Variants in SLC35F4 observed in about 807,000 individuals in gnomAD.
SLC35F4 encodes chromosome 14 open reading frame 36.
A neutral mutation model predicts 44.2 loss-of-function variants in SLC35F4; 24 were observed. The observed-to-expected ratio is 0.54, with a 90% CI of 0.39 to 0.76. SLC35F4 has a LOEUF of 0.76. Ranked by LOEUF, SLC35F4 falls within the 30% of genes least tolerant of loss-of-function variation. SLC35F4 has a pLI of 0.00. For synonymous variants in SLC35F4, 238 were observed against 223.6 expected (o/e 1.06, Z -0.57); for missense variants, 562 against 586.1 (o/e 0.96, Z 0.42).
At chr14:57,864,363 A>G (rs541838978) in intron 1 of SLC35F4, among the ~76,000 whole-genome samples, 9 of 152,368 alleles carry the variant, frequency 5.9e-5, no homozygotes, top group Non-Finnish European at 7.3e-5. Context: ...CTAACACTAT[A>G]TAATTACTTT....
intron 1 of SLC35F4, among the ~76,000 whole-genome samples, chr14:57,704,827 C>T (rs971928092): frequency 3.3e-5 from 5 of 152,150 alleles, no homozygotes; most frequent in Admixed American, 2.0e-4. Context: ...GAGCCCCTGG[C>T]CTGTAATCAC....
Position 57,949,259 on chromosome 14 carries a change from A to T in SLC35F4, n.282+32654T>A, listed in dbSNP as rs535786053. Reference sequence around the variant, plus strand: ...GATTGTAACATTTTCCTGTTGGACTAATCCTTTTGTCTTTATATAATGTTC... The same window carrying T: ...GATTGTAACATTTTCCTGTTGGACTTATCCTTTTGTCTTTATATAATGTTC... On this transcript the variant is annotated intron_variant and non_coding_transcript_variant, in intron 1 of 1. Coordinates refer to the SLC35F4 transcript ENST00000556568. Among the ~76,000 whole-genome samples the T allele has an allele frequency of 8.5e-5, 13 of 152,270 alleles. 1 individual carries two copies. The South Asian group carries it at 2.7e-3, about 32-fold the overall frequency.
intron 1 of SLC35F4, among the ~76,000 whole-genome samples, chr14:57,906,951 C>A (rs2141048782): frequency 6.6e-6 from 1 of 152,358 alleles, no homozygotes; most frequent in Non-Finnish European, 1.5e-5. Context: ...GTCTCTTTGA[C>A]CTTCCCTTTG....
chr14:57,878,030 T>A (rs1294029443), intron 1 of SLC35F4, among the ~76,000 whole-genome samples: 1 of 152,108 alleles, frequency 6.6e-6, no homozygotes, highest in African/African-American at 2.4e-5. Flanking sequence ...TGAGATGGTA[T>A]CTCGTTGTGG....
intron 4 of SLC35F4, among the ~76,000 whole-genome samples, chr14:57,577,548 C>G (rs1047131856): frequency 4.6e-5 from 7 of 152,074 alleles, no homozygotes; most frequent in Admixed American, 3.3e-4. Context: ...GGGACAAAAT[C>G]TGAAAGAAAG....
At chr14:57,564,660 A>G (rs1451993952) in intron 7 of SLC35F4, among the ~76,000 whole-genome samples, 1 of 152,138 alleles carries the variant, frequency 6.6e-6, no homozygotes, top group Non-Finnish European at 1.5e-5. Flanking sequence ...CTCCAGTTTC[A>G]TTGGACCATT....
chr14:57,977,464 A>C lies in SLC35F4; in HGVS notation n.152-507T>G, dbSNP rs564909284. Among the ~76,000 whole-genome samples, 8 of 152,252 alleles carry C rather than the reference A, an allele frequency of 5.3e-5. No homozygotes were observed. The South Asian group carries it at 1.7e-3, about 32-fold the overall frequency. On this transcript the variant is annotated intron_variant and non_coding_transcript_variant, in intron 1 of 1. Coordinates refer to the SLC35F4 transcript ENST00000554648. ...AAGAAACGTTTGTCTTTTGGAGGAA[A>C]AAACCCTCCTGGAGAGCTACTGGGA...
intron 1 of SLC35F4, among the ~76,000 whole-genome samples, chr14:57,875,695 C>T (rs1007542826): frequency 1.3e-5 from 2 of 152,208 alleles, no homozygotes; most frequent in Non-Finnish European, 2.9e-5. Context: ...AATGCAAAGC[C>T]TCTTGAGGCC....
chr14:57,762,602 T>C (rs2077150005), intron 1 of SLC35F4, among the ~76,000 whole-genome samples: 1 of 152,098 alleles, frequency 6.6e-6, no homozygotes, highest in African/African-American at 2.4e-5. Context: ...AGTGGGAACT[T>C]TAAGAAATGA....
chr14:57,908,741 C>A (rs888963790), intron 1 of SLC35F4, among the ~76,000 whole-genome samples: 2 of 152,168 alleles, frequency 1.3e-5, no homozygotes, highest in Non-Finnish European at 2.9e-5. Flanking sequence ...GTTGCCTGCT[C>A]ACTCTAATGA....
intron 1 of SLC35F4, among the ~76,000 whole-genome samples, chr14:57,660,076 T>C (rs962642052): frequency 1.3e-5 from 2 of 152,216 alleles, no homozygotes; most frequent in African/African-American, 2.4e-5. Flanking sequence ...GCTTGGAAGA[T>C]ATGTGTTGGT....
chr14:57,662,242 TA>T (rs2074161569), intron 1 of SLC35F4, among the ~76,000 whole-genome samples: 2 of 152,176 alleles, frequency 1.3e-5, no homozygotes, highest in Non-Finnish European at 2.9e-5. Flanking sequence ...TTATGGAATG[TA>T]TTTCCTAGTG....
At position 57,761,315 on chromosome 14, in the gene SLC35F4, G is replaced by A. The variant is rs1034229067; in HGVS notation, c.103+104408C>T. Among the ~76,000 whole-genome samples the A allele has an allele frequency of 3.9e-5, 6 of 152,112 alleles. No homozygotes were observed. In the South Asian group the frequency reaches 6.2e-4, roughly 16 times the overall value. On this transcript the variant is annotated intron_variant, in intron 1 of 7. Transcript: ENST00000556826. ...AATCTTGATGTACATATCTGCAAGCGTTCTCTTGGCAGGGGAAACTGTTTA... is the reference window on the plus strand; with the variant it reads ...AATCTTGATGTACATATCTGCAAGCATTCTCTTGGCAGGGGAAACTGTTTA...
chr14:57,681,064 G>C (rs2074885035), intron 1 of SLC35F4, among the ~76,000 whole-genome samples: 1 of 151,880 alleles, frequency 6.6e-6, no homozygotes, highest in Non-Finnish European at 1.5e-5. Flanking sequence ...ATATAGCCAA[G>C]ACAATCCTAA....
intron 1 of SLC35F4, among the ~76,000 whole-genome samples, chr14:57,723,828 T>C (rs1281112100): frequency 2.6e-5 from 4 of 152,224 alleles, no homozygotes; most frequent in Non-Finnish European, 4.4e-5. Flanking sequence ...ATTGATGATA[T>C]TATGCTGATT....
intron 1 of SLC35F4, among the ~76,000 whole-genome samples, chr14:57,618,697 A>T (rs1566691159): frequency 2.0e-5 from 3 of 151,690 alleles, no homozygotes; most frequent in Admixed American, 6.6e-5. Context: ...AGAACCACTC[A>T]CTCCCCTGGA....
chr14:57,859,511 G>A (rs527289263), intron 1 of SLC35F4, among the ~76,000 whole-genome samples: 1 of 152,302 alleles, frequency 6.6e-6, no homozygotes, highest in South Asian at 2.1e-4. Context: ...GTAGGGGGGA[G>A]AAATGTGTGC....
At chr14:57,681,229 C>T (rs546738930) in intron 1 of SLC35F4, among the ~76,000 whole-genome samples, 1 of 152,170 alleles carries the variant, frequency 6.6e-6, no homozygotes, top group African/African-American at 2.4e-5. Context: ...ACATCTACCA[C>T]CACCTGATCT....
At chr14:57,937,597 AAAGAAAAGAAAAGAAAAGAAAAG>A (rs1198577151) in intron 1 of SLC35F4, among the ~76,000 whole-genome samples, 1 of 33,818 alleles carries the variant, frequency 3.0e-5, no homozygotes, top group African/African-American at 1.6e-4. Flanking sequence ...AAAGAAAAGA[AAAGAAAAGAAAAGAAAAGAAAAG>A]AAAAGAAAAG....
Sources: gnomAD v4.1 joint callset for allele counts (sites outside exome capture counted in the v4.1 genomes callset) on GRCh38, gnomAD v4.1.1 for gene constraint, MANE v1.5 for transcripts, NCBI Gene and HGNC (gene_info 2026-07-23, HGNC 2026-07-21) for gene names.